Variants in FRAS1 observed in about 807,000 individuals in gnomAD.
FRAS1 encodes Fraser extracellular matrix complex subunit 1.
Under a neutral mutation model 435.2 loss-of-function variants are expected in FRAS1, and 290 were observed. The observed-to-expected ratio is 0.67, with a 90% CI of 0.61 to 0.73. The LOEUF (loss-of-function observed/expected upper bound fraction) is 0.73. FRAS1 is among the 30% of genes least tolerant of loss of function. FRAS1 has a pLI of 0.00. For synonymous variants in FRAS1, 1,800 were observed against 1,851.0 expected (o/e 0.97, Z 0.71); for missense variants, 4,860 against 5,001.5 (o/e 0.97, Z 0.85).
chr4:78,433,485 C>A (rs1188932303), intron 38 of FRAS1, among the ~76,000 whole-genome samples: 1 of 151,998 alleles, frequency 6.6e-6, no homozygotes, highest in Non-Finnish European at 1.5e-5. Context: ...TTAAGTAACC[C>A]TTTTCTGGGC....
intron 2 of FRAS1, among the ~76,000 whole-genome samples, chr4:78,103,306 C>A (rs1039501530): frequency 6.6e-6 from 1 of 152,056 alleles, no homozygotes; most frequent in African/African-American, 2.4e-5. Flanking sequence ...TAAAACATAC[C>A]TGGAATCTCA....
intron 2 of FRAS1, among the ~76,000 whole-genome samples, chr4:78,193,952 T>A (rs1722674094): frequency 6.6e-6 from 1 of 152,248 alleles, no homozygotes; most frequent in South Asian, 2.1e-4. Flanking sequence ...CAGGAGCTCC[T>A]TTAGGGCAGG....
intron 2 of FRAS1, among the ~76,000 whole-genome samples, chr4:78,224,922 A>G (rs1724206384): frequency 6.6e-6 from 1 of 152,188 alleles, no homozygotes; most frequent in African/African-American, 2.4e-5. Flanking sequence ...TGGATATCAT[A>G]TTTTGAAAGG....
intron 1 of FRAS1, 30 bp downstream of exon 1, chr4:78,058,115 TGTGTGCGTGTGC>T: frequency 1.9e-6 from 3 of 1,572,982 alleles, no homozygotes; most frequent in Non-Finnish European, 2.6e-6. Context: ...TGTGTGTGTG[TGTGTGCGTGTGC>T]GTGTGTGTGT....
intron 2 of FRAS1, among the ~76,000 whole-genome samples, chr4:78,168,403 C>G (rs1401784742): frequency 6.7e-6 from 1 of 150,060 alleles, no homozygotes; most frequent in Non-Finnish European, 1.5e-5. Context: ...TTTGTTTTTT[C>G]TTTTTTTTTA....
intron 2 of FRAS1, chr4:78,070,907 A>C (rs1740318326): frequency 1.3e-5 from 2 of 152,232 alleles, no homozygotes; most frequent in Admixed American, 1.3e-4. Flanking sequence ...GGAGATGAAC[A>C]TGAAGCAACT....
intron 27 of FRAS1, among the ~76,000 whole-genome samples, chr4:78,380,851 T>C (rs1210140823): frequency 6.6e-6 from 1 of 152,196 alleles, no homozygotes; most frequent in Non-Finnish European, 1.5e-5. Flanking sequence ...GAAAAGTAGA[T>C]GGCACTGTCT....
chr4:78,447,530 CACTT>C (rs1646057393), intron 43 of FRAS1, among the ~76,000 whole-genome samples: 1 of 152,034 alleles, frequency 6.6e-6, no homozygotes, highest in Non-Finnish European at 1.5e-5. Context: ...GGCTTCCATT[CACTT>C]TCGCTTTCTT....
chr4:78,443,924 C>T (rs1302117316), intron 41 of FRAS1, among the ~76,000 whole-genome samples: 1 of 152,216 alleles, frequency 6.6e-6, no homozygotes, highest in African/African-American at 2.4e-5. Flanking sequence ...TCACTACTCA[C>T]TGTAGCCTCG....
At chr4:78,138,647 G>T (rs1720028502) in intron 2 of FRAS1, among the ~76,000 whole-genome samples, 1 of 152,038 alleles carries the variant, frequency 6.6e-6, no homozygotes, top group African/African-American at 2.4e-5. Context: ...CTCAGTCTCA[G>T]TTTCTGTGAC....
chr4:78,109,468 C>G (rs1190373352), intron 2 of FRAS1, among the ~76,000 whole-genome samples: 2 of 151,906 alleles, frequency 1.3e-5, no homozygotes, highest in Non-Finnish European at 2.9e-5. Context: ...TAAACGTAAT[C>G]TAGCATATAA....
At chr4:78,467,885 T>C (rs1455631654) in intron 50 of FRAS1, among the ~76,000 whole-genome samples, 1 of 152,234 alleles carries the variant, frequency 6.6e-6, no homozygotes, top group Non-Finnish European at 1.5e-5. Flanking sequence ...TTGACAAATG[T>C]CTATTCAAAT....
chr4:78,386,477 T>C (rs1333176408), intron 28 of FRAS1, among the ~76,000 whole-genome samples: 2 of 152,214 alleles, frequency 1.3e-5, no homozygotes, highest in Non-Finnish European at 2.9e-5. Context: ...ATTATAGTGA[T>C]GTATTAGACA....
At chr4:78,514,341 A>G (rs1000870249) in intron 65 of FRAS1, among the ~76,000 whole-genome samples, 12 of 152,256 alleles carry the variant, frequency 7.9e-5, no homozygotes, top group Non-Finnish European at 1.5e-4. Flanking sequence ...TTGACTTTAC[A>G]AAGAATTCTG....
intron 20 of FRAS1, among the ~76,000 whole-genome samples, chr4:78,345,226 A>G (rs1730561604): frequency 6.6e-6 from 1 of 152,186 alleles, no homozygotes; most frequent in Admixed American, 6.5e-5. Flanking sequence ...GCATTTTCTT[A>G]TGGATCTCCT....
chr4:78,210,762 A>G (rs1200090601), intron 2 of FRAS1, among the ~76,000 whole-genome samples: 1 of 152,234 alleles, frequency 6.6e-6, no homozygotes, highest in Non-Finnish European at 1.5e-5. Context: ...CTATATCTAT[A>G]CAATCATCAC....
At chr4:78,336,746 G>A (rs370698202) in intron 19 of FRAS1, among the ~76,000 whole-genome samples, 15 of 152,140 alleles carry the variant, frequency 9.9e-5, no homozygotes, top group African/African-American at 3.1e-4. Flanking sequence ...CCACGTGCCA[G>A]GAGGGAATTC....
intron 2 of FRAS1, among the ~76,000 whole-genome samples, chr4:78,135,559 C>G (rs1317018): frequency 1.3e-5 from 2 of 152,122 alleles, no homozygotes; most frequent in African/African-American, 4.8e-5. Context: ...AGGAGACACT[C>G]ACATTCCTAA....
intron 36 of FRAS1, among the ~76,000 whole-genome samples, chr4:78,430,018 C>T (rs1734150456): frequency 6.6e-6 from 1 of 152,136 alleles, no homozygotes; most frequent in South Asian, 2.1e-4. Context: ...TGTGGGCTTC[C>T]TCTGTGCATG....
Sources: allele counts gnomAD v4.1 joint callset (sites outside exome capture counted in the v4.1 genomes callset), GRCh38; gene constraint gnomAD v4.1.1; transcripts MANE v1.5; gene names NCBI Gene and HGNC (gene_info 2026-07-23, HGNC 2026-07-21).